The following GSE1 variants were observed in gnomAD, a reference collection of about 807,000 sequenced individuals.
The protein encoded by GSE1 is genetic suppressor element 1.
In GSE1, 32 loss-of-function variants were observed where a neutral mutation model predicts 112.6. The ratio of observed to expected loss-of-function variants is 0.28; its 90% CI spans 0.21 to 0.38. The LOEUF (loss-of-function observed/expected upper bound fraction) is 0.38, where lower values mean the gene tolerates loss of function less well. GSE1 is among the 10% of genes least tolerant of loss of function. GSE1 has a pLI of 1.00. For synonymous variants in GSE1, 1,115 were observed against 735.6 expected (o/e 1.52, Z -8.35); for missense variants, 2,348 against 1,699.2 (o/e 1.38, Z -6.71).
chr16:85,219,923 T>C, intron 1 of GSE1, among the ~76,000 whole-genome samples: 1 of 152,176 alleles, frequency 6.6e-6, no homozygotes, highest in Non-Finnish European at 1.5e-5. Context: ...GGACTTCCTT[T>C]GGAACAGGTG....
At chr16:85,359,250 G>A (rs758396318) in intron 2 of GSE1, 4 of 374,296 alleles carry the variant, frequency 1.1e-5, no homozygotes, top group African/African-American at 2.1e-5. Flanking sequence ...CCTGTTTGGC[G>A]ATGCGTCCTC....
intron 1 of GSE1, among the ~76,000 whole-genome samples, chr16:85,225,871 A>T (rs9928660): frequency 6.6e-6 from 1 of 152,028 alleles, no homozygotes; most frequent in Non-Finnish European, 1.5e-5. Context: ...CTGCTCCCAC[A>T]CAAGGTGCCC....
upstream of GSE1, among the ~76,000 whole-genome samples, chr16:85,610,030 A>G (rs923915212): frequency 6.6e-6 from 1 of 152,162 alleles, no homozygotes; most frequent in Non-Finnish European, 1.5e-5. Context: ...AGGTAGGGCT[A>G]GAGTTTGCAC....
chr16:85,442,966 C>T (rs2049416350), intron 2 of GSE1, among the ~76,000 whole-genome samples: 1 of 152,250 alleles, frequency 6.6e-6, no homozygotes, highest in Admixed American at 6.5e-5. Flanking sequence ...CTGCATCACC[C>T]TGACCCCTGG....
chr16:85,584,900 C>T (rs2046617488), intron 1 of GSE1, among the ~76,000 whole-genome samples: 1 of 152,034 alleles, frequency 6.6e-6, no homozygotes. Context: ...CCTTCCCCCA[C>T]CCCTCCAGCC....
chr16:85,386,602 G>C (rs1308277163), intron 2 of GSE1, among the ~76,000 whole-genome samples: 1 of 152,204 alleles, frequency 6.6e-6, no homozygotes, highest in South Asian at 2.1e-4. Context: ...TGTGTCGGCT[G>C]TGTGGCCTGG....
intron 1 of GSE1, among the ~76,000 whole-genome samples, chr16:85,307,825 A>C (rs569480994): frequency 1.3e-5 from 2 of 152,006 alleles, no homozygotes; most frequent in African/African-American, 4.8e-5. Context: ...AAACAAAGAC[A>C]CTCTCATCAG....
At chr16:85,190,193 T>G (rs750105166) in intron 1 of GSE1, among the ~76,000 whole-genome samples, 18 of 152,226 alleles carry the variant, frequency 1.2e-4, no homozygotes, top group Admixed American at 6.5e-4. Context: ...GTGATGGACA[T>G]TGGTGAAGTC....
intron 2 of GSE1, among the ~76,000 whole-genome samples, chr16:85,477,958 C>T (rs747635133): frequency 6.6e-6 from 1 of 152,260 alleles, no homozygotes; most frequent in Non-Finnish European, 1.5e-5. Flanking sequence ...TGAGTCATCA[C>T]GACCTCATTT....
At chr16:85,463,060 C>G (rs1211849442) in intron 2 of GSE1, 3 of 982,558 alleles carry the variant, frequency 3.1e-6, no homozygotes, top group African/African-American at 3.5e-5. Context: ...CCCCGGGTCC[C>G]GCGGCCCGGG....
chr16:85,374,025 T>A (rs996793357), intron 2 of GSE1, among the ~76,000 whole-genome samples: 4 of 152,212 alleles, frequency 2.6e-5, no homozygotes, highest in African/African-American at 9.6e-5. Flanking sequence ...TTCACATGAA[T>A]CTGTGTACCT....
At chr16:85,183,827 A>G (rs1037394830) in intron 1 of GSE1, among the ~76,000 whole-genome samples, 3 of 152,178 alleles carry the variant, frequency 2.0e-5, no homozygotes, top group East Asian at 3.9e-4. Flanking sequence ...CAGAGCTGAC[A>G]TGGGATCCCT....
chr16:85,169,706 T>C, exon 1 of GSE1: 1 of 982,706 alleles, frequency 1.0e-6, no homozygotes, highest in Non-Finnish European at 1.2e-6. Flanking sequence ...GCGCAGCCCT[T>C]CTTCCCGTTC....
intron 1 of GSE1, among the ~76,000 whole-genome samples, chr16:85,583,899 TTTTATG>T (rs996205030): frequency 6.6e-6 from 1 of 152,178 alleles, no homozygotes; most frequent in African/African-American, 2.4e-5. Flanking sequence ...GGCAGGCAGC[TTTTATG>T]TAAAGACAGT....
chr16:85,403,599 G>C (rs1567739212), intron 2 of GSE1, among the ~76,000 whole-genome samples: 1 of 152,024 alleles, frequency 6.6e-6, no homozygotes, highest in Non-Finnish European at 1.5e-5. Flanking sequence ...ACACCAGCCT[G>C]GGCAACATAG....
chr16:85,173,905 A>G (rs117078979), intron 1 of GSE1, among the ~76,000 whole-genome samples: 9 of 152,256 alleles, frequency 5.9e-5, no homozygotes, highest in Non-Finnish European at 1.2e-4. Context: ...CCCTAGAACA[A>G]GTTAGTGCAT....
At chr16:85,368,094 T>C (rs866997026) in intron 2 of GSE1, among the ~76,000 whole-genome samples, 2 of 152,142 alleles carry the variant, frequency 1.3e-5, no homozygotes, top group African/African-American at 2.4e-5. Flanking sequence ...CCTCAGGTGA[T>C]CCACCCGCCT....
intron 2 of GSE1, among the ~76,000 whole-genome samples, chr16:85,439,929 G>T (rs115737422): frequency 2.6e-5 from 4 of 152,182 alleles, no homozygotes; most frequent in African/African-American, 9.7e-5. Flanking sequence ...CATGCACACA[G>T]GCATACGCAG....
intron 6 of GSE1, 121 bp downstream of exon 6, chr16:85,656,038 C>T (rs2051897780): frequency 1.0e-5 from 8 of 787,802 alleles, no homozygotes; most frequent in Admixed American, 2.7e-5. Context: ...CACAGTTTGT[C>T]CACCTGCCAA....
Sources: gnomAD v4.1 joint callset for allele counts (sites outside exome capture counted in the v4.1 genomes callset) on GRCh38, gnomAD v4.1.1 for gene constraint, MANE v1.5 for transcripts, NCBI Gene and HGNC (gene_info 2026-07-23, HGNC 2026-07-21) for gene names.